TRIO: variants seen among roughly 807,000 people sequenced by gnomAD.
TRIO encodes trio Rho guanine nucleotide exchange factor, also known as triple functional domain protein.
In TRIO, 58 loss-of-function variants were observed where a neutral mutation model predicts 351.9. The ratio of observed to expected loss-of-function variants is 0.16; its 90% CI spans 0.13 to 0.21. The LOEUF (loss-of-function observed/expected upper bound fraction) is 0.21. Among genes scored for constraint, TRIO ranks in the 10% least tolerant of loss-of-function variants. The pLI is 1.00. For synonymous variants in TRIO, 1,758 were observed against 1,595.7 expected (o/e 1.10, Z -2.42); for missense variants, 3,201 against 4,027.8 (o/e 0.79, Z 5.56).
intron 1 of TRIO, among the ~76,000 whole-genome samples, chr5:14,152,926 A>G (rs1275001648): frequency 1.3e-5 from 2 of 152,220 alleles, no homozygotes; most frequent in South Asian, 2.1e-4. Context: ...GTTGGTTGGT[A>G]TACATATTAC....
At chr5:14,425,827 T>G (rs1033261616) in intron 34 of TRIO, among the ~76,000 whole-genome samples, 1 of 152,192 alleles carries the variant, frequency 6.6e-6, no homozygotes, top group Non-Finnish European at 1.5e-5. Flanking sequence ...CTTTAAATAC[T>G]AACTCTGCCA....
rs572862174 is a variant in TRIO, at chr5:14,286,610, G to A, written c.348-261G>A. The stretch of plus-strand genomic sequence containing the variant: ...GTGACCGTTGTTTTCCTGAAAAGAA[G>A]ACGGGATGCAAAACCATTAATACAA... On this transcript the variant is annotated intron_variant, in intron 3 of 56. Transcript: ENST00000344204. This position sits in a 1 kb window ranked among gnomAD's most constrained non-coding sequence, Gnocchi z 4.4. Among the ~76,000 whole-genome samples the A allele has an allele frequency of 7.9e-5, 12 of 152,186 alleles. No homozygotes were observed. Among genetic ancestry groups the A allele is most frequent in the Non-Finnish European group, 1.6e-4 (11 of 68,034 alleles).
chr5:14,335,723 G>T (rs1287257184), intron 10 of TRIO, among the ~76,000 whole-genome samples: 1 of 152,218 alleles, frequency 6.6e-6, no homozygotes, highest in Non-Finnish European at 1.5e-5. Context: ...CTGGTACTTT[G>T]GGAGGCCAAG....
intron 34 of TRIO, 173 bp downstream of exon 34, chr5:14,420,194 A>G (rs1372741013): frequency 1.0e-6 from 1 of 992,482 alleles, no homozygotes; most frequent in Non-Finnish European, 1.5e-6. Context: ...CTGAAGAGGA[A>G]ATGAGGATTT....
At chr5:14,412,423 A>T (rs1269288662) in intron 33 of TRIO, among the ~76,000 whole-genome samples, 1 of 152,248 alleles carries the variant, frequency 6.6e-6, no homozygotes, top group South Asian at 2.1e-4. Flanking sequence ...ATGCCAATAC[A>T]TTTTGAAATA....
At chr5:14,266,758 A>T (rs1795701970) in intron 1 of TRIO, among the ~76,000 whole-genome samples, 1 of 152,236 alleles carries the variant, frequency 6.6e-6, no homozygotes, top group African/African-American at 2.4e-5. Flanking sequence ...ATATTTAGTT[A>T]ACAACTATAA....
intron 28 of TRIO, 37 bp from the exon 29 acceptor site, chr5:14,397,006 G>T (rs1333995710): frequency 7.1e-6 from 11 of 1,548,262 alleles, no homozygotes; most frequent in South Asian, 4.7e-5. Flanking sequence ...AGAGCATTCT[G>T]CAGTCTTTAC....
At chr5:14,488,281 G>A in intron 48 of TRIO, 21 bp downstream of exon 48, 2 of 1,524,856 alleles carry the variant, frequency 1.3e-6, no homozygotes, top group South Asian at 1.2e-5. Flanking sequence ...CGGGGGGCCC[G>A]CGCCCTCCCG....
chr5:14,336,588 A>C lies in TRIO; in HGVS notation c.1907A>C (p.Gln636Pro). ...CTGGAAGCAGCAGAACAGCTGGCTC[A>C]GACTGGGGAATGTGACCCCGAAGAG... ...KLLEAAEQLA[Q>P]TGECDPEEIY... The change falls in exon 11 of 57, where the codon CAG (glutamine) becomes CCG (proline). Residue 636 changes from glutamine (Q) to proline (P), a missense_variant. By Grantham distance (76) the Gln-to-Pro change is moderately conservative (BLOSUM62 -1). Transcript: ENST00000344204. The C allele has an allele frequency of 6.2e-7, 1 of 1,614,242 alleles. No homozygotes were observed. The highest frequency in any genetic ancestry group is 8.5e-7 in the Non-Finnish European group (1 of 1,180,046).
chr5:14,392,731 G>T (rs1295762492), intron 27 of TRIO, among the ~76,000 whole-genome samples: 1 of 152,180 alleles, frequency 6.6e-6, no homozygotes, highest in African/African-American at 2.4e-5. Flanking sequence ...ATACACCATG[G>T]AATACTATGC....
chr5:14,237,228 A>C lies in TRIO; in HGVS notation c.158-33597A>C, dbSNP rs1793830433. Among the ~76,000 whole-genome samples, 4 of 152,332 alleles carry C rather than the reference A, an allele frequency of 2.6e-5. No individual in the cohort carries two copies. The South Asian group carries it at 8.3e-4, about 32-fold the overall frequency. ...TCCCTGTTGAGTATCCCAGATCTGA[A>C]CATCAGAAATCTGAAATGCTTCAGT... On this transcript the variant is annotated intron_variant, in intron 1 of 56. Coordinates refer to ENST00000344204, the MANE Select transcript of TRIO (RefSeq NM_007118.4).
chr5:14,365,049 A>G (rs1386181603), intron 15 of TRIO, among the ~76,000 whole-genome samples: 1 of 152,228 alleles, frequency 6.6e-6, no homozygotes, highest in Non-Finnish European at 1.5e-5. Context: ...CTGTTCACCC[A>G]GCACAGGCAG....
rs950025956 is a variant in TRIO, at chr5:14,487,949, C to G, written c.7321C>G (p.Leu2441Val). 6.5e-7 allele frequency: 1 copy of G among 1,548,846 alleles called. No homozygotes were observed. Among genetic ancestry groups the G allele is most frequent in the African/African-American group, 1.4e-5 (1 of 72,992 alleles). ...CCCCGCCAAGGACGCGCGCGCTAGC[C>G]TGGGCACCCTGCCGCTTGGGAAGCC... The part of the protein sequence containing the change: ...DAPAKDARAS[L>V]GTLPLGKPRA... Residue 2441 changes from leucine to valine, a missense_variant, in exon 48 of 57, where the codon CTG (leucine) becomes GTG (valine). By Grantham distance (32) the Leu-to-Val change is conservative. Transcript: ENST00000344204.
At chr5:14,293,240 C>CCCT in intron 6 of TRIO, 106 bp downstream of exon 6, 1 of 1,494,078 alleles carries the variant, frequency 6.7e-7, no homozygotes, top group Non-Finnish European at 9.1e-7. Flanking sequence ...TTCGGAGTGG[C>CCCT]TGTTGATTGT....
At chr5:14,347,401 G>A (rs2152327460) in intron 11 of TRIO, among the ~76,000 whole-genome samples, 1 of 152,204 alleles carries the variant, frequency 6.6e-6, no homozygotes, top group Admixed American at 6.5e-5. Flanking sequence ...GTGGACCTGA[G>A]GTCCTGCAGA....
intron 1 of TRIO, among the ~76,000 whole-genome samples, chr5:14,198,354 C>T (rs1186115047): frequency 6.6e-6 from 1 of 152,120 alleles, no homozygotes; most frequent in Admixed American, 6.6e-5. Context: ...ATCTTCTGTT[C>T]CCTTGTGCCC....
At chr5:14,172,163 G>T (rs1013485253) in intron 1 of TRIO, among the ~76,000 whole-genome samples, 13 of 152,146 alleles carry the variant, frequency 8.5e-5, no homozygotes, top group African/African-American at 3.1e-4. Context: ...ACTTTTGCTT[G>T]AAGTCAGTGT....
At chr5:14,406,235 G>A (rs1486419428) in intron 32 of TRIO, 10 of 604,256 alleles carry the variant, frequency 1.7e-5, no homozygotes, top group Non-Finnish European at 2.8e-5. Context: ...TTCTCACCCC[G>A]AGCACCATAC....
At chr5:14,471,286 T>TAAGTGTTGAAA (rs750787567) in intron 37 of TRIO, 32 bp from the exon 38 acceptor site, 1 of 1,608,636 alleles carries the variant, frequency 6.2e-7, no homozygotes, top group Admixed American at 1.7e-5. Context: ...CTGTGGGCAG[T>TAAGTGTTGAAA]AAGTGTTGTT....
Sources: gnomAD v4.1 joint callset for allele counts (sites outside exome capture counted in the v4.1 genomes callset) on GRCh38, gnomAD v4.1.1 for gene constraint, Gnocchi (gnomAD v3.1) non-coding constraint, MANE v1.5 for transcripts, NCBI Gene and HGNC (gene_info 2026-07-23, HGNC 2026-07-21) for gene names.